Variants in MAP3K19 observed in about 807,000 individuals in gnomAD.
MAP3K19 encodes SPS1/STE20-related protein kinase YSK4.
Under a neutral mutation model 114.4 loss-of-function variants are expected in MAP3K19, and 91 were observed. The observed-to-expected ratio is 0.80, with a 90% CI of 0.67 to 0.95. MAP3K19 has a LOEUF of 0.95. MAP3K19 is among the 40% of genes least tolerant of loss of function. MAP3K19 has a pLI of 0.00. For missense variants in MAP3K19, 1,471 were observed against 1,573.2 expected, an observed-to-expected ratio of 0.94 and a Z score of 1.10; for synonymous variants, 518 against 530.5, an observed-to-expected ratio of 0.98 and a Z score of 0.32.
intron 5 of MAP3K19, 134 bp from the exon 6 acceptor site, chr2:135,005,665 A>G (rs1427151153): frequency 1.5e-6 from 1 of 661,508 alleles, no homozygotes; most frequent in Non-Finnish European, 2.6e-6. Flanking sequence ...AGTATTTAGG[A>G]CTAAAATAAT....
Position 134,985,717 on chromosome 2 carries a change from T to C in MAP3K19, c.3072+83A>G, listed in dbSNP as rs1338684807. On this transcript the variant is annotated intron_variant, in intron 10 of 12. Coordinates refer to ENST00000392915, the MANE Select transcript of MAP3K19 (RefSeq NM_025052.5). ...TTAATTGTTTAGGGTTTATAATTCC[T>C]CATTTGAAAATAAGGGGTTTGAACC... is the stretch of plus-strand genomic sequence containing the variant. The C allele has an allele frequency of 8.2e-6, 10 of 1,222,058 alleles. No individual in the cohort carries two copies. The East Asian group carries it at 2.4e-4, about 29-fold the overall frequency. The allele number at this position is 1,222,058 out of a possible 1,614,324, so 75.7% of individuals were successfully genotyped here. A position where few individuals can be genotyped will look rare whatever the true frequency, so the allele number is the denominator to read the frequency against.
chr2:134,966,733 C>T (rs1683383278), intron 12 of MAP3K19, among the ~76,000 whole-genome samples: 1 of 152,234 alleles, frequency 6.6e-6, no homozygotes, highest in Non-Finnish European at 1.5e-5. Context: ...GTCCTGTGGG[C>T]TCCACAGACA....
At chr2:134,979,641 GTT>G (rs774229914) in intron 12 of MAP3K19, among the ~76,000 whole-genome samples, 20 of 117,742 alleles carry the variant, frequency 1.7e-4, no homozygotes, top group African/African-American at 4.6e-4. Flanking sequence ...CATTTATGCG[GTT>G]TTTTTTTTTT....
chr2:135,032,080 G>A (rs892918116), intron 2 of MAP3K19, among the ~76,000 whole-genome samples: 9 of 152,178 alleles, frequency 5.9e-5, no homozygotes, highest in Admixed American at 3.3e-4. Flanking sequence ...TGGTGGAAGT[G>A]TAAATGGTGC....
intron 12 of MAP3K19, among the ~76,000 whole-genome samples, chr2:134,977,605 G>A (rs113366206): frequency 0.14 from 20,694 of 151,764 alleles, 1,671 homozygotes; most frequent in Middle Eastern, 0.21. Flanking sequence ...CTCGTGATCC[G>A]CCCGCCTCGG....
At chr2:135,010,739 C>T (rs1015516565) in intron 5 of MAP3K19, among the ~76,000 whole-genome samples, 14 of 152,142 alleles carry the variant, frequency 9.2e-5, no homozygotes, top group Non-Finnish European at 1.6e-4. Flanking sequence ...GTGGTTCTCC[C>T]ACCTCAGCCT....
Position 134,986,913 on chromosome 2 carries a change from G to C in MAP3K19, c.1959C>G (p.Ile653Met). ...TTCCAGGTCCATTAGCAGTTGAATT[G>C]ATTTCTTTGAACATATCACTATACT... ...DLKYSDMFKE[I>M]NSTANGPGIY... Residue 653 changes from isoleucine (I) to methionine (M), a missense_variant, in exon 10 of 13, where the codon ATC (isoleucine) becomes ATG (methionine). Coordinates refer to ENST00000392915, the MANE Select transcript of MAP3K19 (RefSeq NM_025052.5). The C allele has an allele frequency of 6.2e-7, 1 of 1,614,058 alleles. No homozygotes were observed. The highest frequency in any genetic ancestry group is 8.5e-7 in the Non-Finnish European group (1 of 1,180,022).
chr2:135,024,716 C>T lies in MAP3K19; in HGVS notation c.-69G>A. 3.8e-6 allele frequency: 5 copies of T among 1,330,908 alleles called. No homozygotes were observed. The highest frequency in any genetic ancestry group is 5.4e-6 in the Non-Finnish European group (5 of 930,880). 82.4% of individuals were successfully genotyped at this position (1,330,908 alleles called of 1,614,324 possible). A position where few individuals can be genotyped will look rare whatever the true frequency, so the allele number is the denominator to read the frequency against. On this transcript the variant is annotated 5_prime_UTR_variant, in exon 4 of 13. Coordinates refer to ENST00000392915, the MANE Select transcript of MAP3K19 (RefSeq NM_025052.5). ...GACACATAATGTATTGCTGATTTTC[C>T]ACTAAAATCACAAAGTTTAGGATCT...
intron 9 of MAP3K19, among the ~76,000 whole-genome samples, chr2:134,990,969 G>A (rs1396718607): frequency 6.6e-6 from 1 of 151,986 alleles, no homozygotes; most frequent in Non-Finnish European, 1.5e-5. Flanking sequence ...CTAAGGGGGA[G>A]TATTGCTTGA....
At chr2:134,970,496 C>T (rs1417638606) in intron 12 of MAP3K19, among the ~76,000 whole-genome samples, 1 of 151,608 alleles carries the variant, frequency 6.6e-6, no homozygotes, top group Admixed American at 6.6e-5. Flanking sequence ...CTGAATCGAT[C>T]TAAGAGTTTT....
chr2:134,986,018 T>C lies in MAP3K19; in HGVS notation c.2854A>G (p.Ile952Val), dbSNP rs1272204115. The change falls in exon 10 of 13, where the codon ATT becomes GTT. Residue 952 changes from isoleucine to valine, a missense_variant. Physicochemically the swap from Ile to Val is conservative, Grantham distance 29 (BLOSUM62 3). Coordinates refer to ENST00000392915, the MANE Select transcript of MAP3K19 (RefSeq NM_025052.5). ...FGKTLSGTNS[I>V]SQEIMDSVNN... is the part of the protein sequence containing the mutation. ...ACAGAGTCCATAATTTCTTGGGAAA[T>C]TGAATTTGTGCCACTTAAGGTTTTT... 6.2e-7 allele frequency: 1 copy of C among 1,613,278 alleles called. No homozygotes were observed.
chr2:135,039,123 CTT>C (rs61309665), intron 2 of MAP3K19, among the ~76,000 whole-genome samples: 37 of 112,444 alleles, frequency 3.3e-4, no homozygotes, highest in Non-Finnish European at 4.4e-4. Flanking sequence ...AATTTTCTTT[CTT>C]TTTTTTTTTT....
At chr2:135,015,962 T>G (rs528254685) in intron 5 of MAP3K19, among the ~76,000 whole-genome samples, 1 of 151,834 alleles carries the variant, frequency 6.6e-6, no homozygotes, top group East Asian at 1.9e-4. Context: ...TTCAAAAGGG[T>G]TAGTGTGGTC....
Position 135,007,313 on chromosome 2 carries a change from G to T in MAP3K19, c.139-1782C>A, listed in dbSNP as rs532727331. Among the ~76,000 whole-genome samples, 7 of 152,182 alleles carry T rather than the reference G, an allele frequency of 4.6e-5. No homozygotes were observed. In the East Asian group the frequency reaches 1.4e-3, roughly 29 times the overall value. On this transcript the variant is annotated intron_variant, in intron 5 of 12. Coordinates refer to ENST00000392915, the MANE Select transcript of MAP3K19 (RefSeq NM_025052.5). ...TTTTTTAATTTTTATGGGTACATAG[G>T]TATATATATTTATGGGATACAGGAG...
intron 12 of MAP3K19, among the ~76,000 whole-genome samples, chr2:134,972,559 A>G (rs1559136275): frequency 6.6e-6 from 1 of 152,114 alleles, no homozygotes; most frequent in Non-Finnish European, 1.5e-5. Flanking sequence ...CTTGGGTTCA[A>G]GCAATCCTCC....
intron 5 of MAP3K19, among the ~76,000 whole-genome samples, chr2:135,013,583 A>G (rs984388452): frequency 6.6e-6 from 1 of 151,664 alleles, no homozygotes; most frequent in Non-Finnish European, 1.5e-5. Context: ...CTGCCTATTC[A>G]TCCTTCCTTC....
At chr2:135,027,685 A>T (rs141791828) in intron 3 of MAP3K19, among the ~76,000 whole-genome samples, 3 of 152,388 alleles carry the variant, frequency 2.0e-5, no homozygotes, top group Non-Finnish European at 4.4e-5. Context: ...GGAACTCTTC[A>T]GATGCCTTTA....
chr2:135,031,207 G>A (rs1478130536), intron 2 of MAP3K19, among the ~76,000 whole-genome samples: 1 of 150,124 alleles, frequency 6.7e-6, no homozygotes, highest in Non-Finnish European at 1.5e-5. Flanking sequence ...AATGTAACAA[G>A]AGAAGTGAAT....
At position 135,016,608 on chromosome 2, in the gene MAP3K19, C is replaced by A. The variant is rs940437541; in HGVS notation, c.138+5107G>T. On this transcript the variant is annotated intron_variant, in intron 5 of 12. Transcript: ENST00000392915. ...CAAACGAATTTGGCAGAATTGACATCTTTATAAAAGTAAATTTTCCAATCC... is the reference window on the plus strand; with the variant it reads ...CAAACGAATTTGGCAGAATTGACATATTTATAAAAGTAAATTTTCCAATCC... Among the ~76,000 whole-genome samples, 10 of 152,234 alleles carry A rather than the reference C, an allele frequency of 6.6e-5. No homozygotes were observed. The East Asian group carries it at 1.7e-3, about 26-fold the overall frequency.
Sources: allele counts gnomAD v4.1 joint callset (sites outside exome capture counted in the v4.1 genomes callset), GRCh38; gene constraint gnomAD v4.1.1; transcripts MANE v1.5; gene names NCBI Gene and HGNC (gene_info 2026-07-23, HGNC 2026-07-21).